NCOR2: variants seen among roughly 807,000 people sequenced by gnomAD.
NCOR2 encodes the protein CTG repeat protein 26.
In NCOR2, 81 loss-of-function variants were observed where a neutral mutation model predicts 262.9. The observed-to-expected ratio is 0.31, with a 90% CI of 0.26 to 0.37. NCOR2 has a LOEUF of 0.37. Among genes scored for constraint, NCOR2 ranks in the 10% least tolerant of loss-of-function variants. The probability of loss-of-function intolerance (pLI) is 1.00; values close to 1 mark genes in which losing one functional copy is unlikely to be tolerated. For synonymous variants in NCOR2, 1,659 were observed against 1,559.3 expected, an observed-to-expected ratio of 1.06 and a Z score of -1.51; for missense variants, 3,385 against 3,621.4, an observed-to-expected ratio of 0.93 and a Z score of 1.68.
chr12:124,421,116 C>A (rs920784131), intron 12 of NCOR2, among the ~76,000 whole-genome samples: 2 of 152,292 alleles, frequency 1.3e-5, no homozygotes, highest in Non-Finnish European at 2.9e-5. Context: ...CAGCAGCTGC[C>A]CCCGCAGACG....
intron 5 of NCOR2, among the ~76,000 whole-genome samples, chr12:124,464,384 ACT>A (rs1307248228): frequency 6.6e-6 from 1 of 151,908 alleles, no homozygotes; most frequent in African/African-American, 2.4e-5. Context: ...TAGAGGTGAC[ACT>A]CTCAGGAGCC....
intron 4 of NCOR2, among the ~76,000 whole-genome samples, 173 bp downstream of exon 6, chr12:124,472,779 T>C (rs1406844729): frequency 1.3e-5 from 2 of 152,184 alleles, no homozygotes; most frequent in Admixed American, 6.5e-5. Flanking sequence ...AGTGTTTCCA[T>C]CATGGCAGAA....
At chr12:124,542,825 C>T (rs1341396332) in intron 1 of NCOR2, 1 of 152,364 alleles carries the variant, frequency 6.6e-6, no homozygotes, top group East Asian at 1.9e-4. Flanking sequence ...GTCACCTGGT[C>T]CCCGTCCCTG....
At chr12:124,335,756 G>C in intron 38 of NCOR2, 124 bp from the exon 41 acceptor site, 3 of 1,134,014 alleles carry the variant, frequency 2.6e-6, no homozygotes, top group Non-Finnish European at 3.7e-6. Context: ...GCTAGGGGTA[G>C]GGTTTGGGCT....
At chr12:124,500,263 G>A (rs914747651) in intron 1 of NCOR2, among the ~76,000 whole-genome samples, 3 of 152,186 alleles carry the variant, frequency 2.0e-5, no homozygotes, top group Non-Finnish European at 4.4e-5. Flanking sequence ...ACCAGCTGGA[G>A]GAGGGCTGCA....
chr12:124,453,778 T>C (rs1029035296), intron 6 of NCOR2, among the ~76,000 whole-genome samples: 1 of 152,192 alleles, frequency 6.6e-6, no homozygotes, highest in Non-Finnish European at 1.5e-5. Context: ...CCTCCACCAC[T>C]GCGCCCGCTC....
intron 37 of NCOR2, among the ~76,000 whole-genome samples, chr12:124,339,142 T>TCCAC (rs2036168810): frequency 7.6e-6 from 1 of 130,778 alleles, no homozygotes. Flanking sequence ...CACCCACCCA[T>TCCAC]CCATCCATCC....
intron 13 of NCOR2, among the ~76,000 whole-genome samples, chr12:124,416,807 A>G (rs3825134): frequency 0.013 from 1,465 of 112,776 alleles, 27 homozygotes; most frequent in African/African-American, 0.049. Flanking sequence ...GAGACCCCGC[A>G]GCACAGATAG....
intron 1 of NCOR2, among the ~76,000 whole-genome samples, chr12:124,533,182 C>T (rs1290446542): frequency 6.6e-6 from 1 of 151,586 alleles, no homozygotes. Context: ...AAGCAGATGA[C>T]CTGCAGGGCT....
intron 7 of NCOR2, among the ~76,000 whole-genome samples, chr12:124,441,776 C>G (rs148688493): frequency 2.0e-5 from 3 of 152,232 alleles, no homozygotes; most frequent in Non-Finnish European, 4.4e-5. Context: ...AGGGATAACT[C>G]TAAGGCGACA....
intron 20 of NCOR2, 127 bp from the exon 23 acceptor site, chr12:124,363,926 G>A (rs1053531300): frequency 6.8e-6 from 5 of 740,700 alleles, no homozygotes; most frequent in South Asian, 1.1e-4. Flanking sequence ...CCTGAGACAC[G>A]AGGCGACTGT....
At chr12:124,336,593 T>C (rs913131732) in intron 38 of NCOR2, 160 bp downstream of exon 40, 1 of 983,122 alleles carries the variant, frequency 1.0e-6, no homozygotes. Flanking sequence ...GATCTGAAAA[T>C]ATCTTTGGAC....
At chr12:124,372,319 A>C in exon 20 of NCOR2, 1 of 1,522,966 alleles carries the variant, frequency 6.6e-7, no homozygotes, top group Non-Finnish European at 8.8e-7. Context: ...CCCCTCCTCC[A>C]CTGGGGGCGC....
intron 22 of NCOR2, among the ~76,000 whole-genome samples, chr12:124,360,927 A>G (rs775443037): frequency 4.6e-5 from 7 of 152,174 alleles, no homozygotes; most frequent in Non-Finnish European, 1.0e-4. Context: ...ACTCAAAACA[A>G]CAGCAGCTCC....
intron 20 of NCOR2, among the ~76,000 whole-genome samples, chr12:124,364,077 GC>G (rs1447909502): frequency 1.3e-5 from 2 of 152,190 alleles, no homozygotes; most frequent in Non-Finnish European, 2.9e-5. Flanking sequence ...CAGGGGCCAA[GC>G]CAGCCTCCCA....
exon 9 of NCOR2, chr12:124,430,640 G>A (rs1449552478): frequency 1.2e-6 from 2 of 1,613,548 alleles, no homozygotes; most frequent in Non-Finnish European, 1.7e-6. Context: ...TGCAGCTCGC[G>A]CTGCTTGCGG....
At chr12:124,353,341 C>T (rs557810112) in intron 27 of NCOR2, among the ~76,000 whole-genome samples, 16 of 152,368 alleles carry the variant, frequency 1.1e-4, no homozygotes, top group Non-Finnish European at 2.2e-4. Flanking sequence ...ACTTGCCCTT[C>T]CCACTCAGCA....
chr12:124,466,600 T>C (rs976248224), intron 4 of NCOR2, among the ~76,000 whole-genome samples: 16 of 152,124 alleles, frequency 1.1e-4, no homozygotes, highest in Non-Finnish European at 2.1e-4. Context: ...ACGGGGCTGA[T>C]TGCCGTGCCG....
intron 42 of NCOR2, 87 bp downstream of exon 44, chr12:124,333,043 C>T: frequency 4.7e-6 from 7 of 1,486,916 alleles, no homozygotes; most frequent in Middle Eastern, 2.2e-4. Flanking sequence ...TTGTCACTCT[C>T]CACATGGCAC....
Sources: allele counts gnomAD v4.1 joint callset (sites outside exome capture counted in the v4.1 genomes callset), GRCh38; gene constraint gnomAD v4.1.1; transcripts MANE v1.5; gene names NCBI Gene and HGNC (gene_info 2026-07-23, HGNC 2026-07-21).